The following FLT1 variants were observed in gnomAD, a reference collection of about 807,000 sequenced individuals.
FLT1 encodes vascular endothelial growth factor receptor 1.
In FLT1, 49 loss-of-function variants were observed where a neutral mutation model predicts 156.3. That is an observed-to-expected ratio of 0.31 (90% confidence interval 0.25 to 0.40). FLT1 has a LOEUF of 0.40. FLT1 is among the 10% of genes least tolerant of loss of function. The pLI is 1.00. For missense variants in FLT1, 1,322 were observed against 1,637.2 expected, an observed-to-expected ratio of 0.81 and a Z score of 3.32; for synonymous variants, 594 against 583.8, an observed-to-expected ratio of 1.02 and a Z score of -0.25.
At chr13:28,356,104 G>A (rs552961964) in intron 15 of FLT1, among the ~76,000 whole-genome samples, 1 of 152,314 alleles carries the variant, frequency 6.6e-6, no homozygotes, top group South Asian at 2.1e-4. Context: ...GGGGAGGGGA[G>A]TCTGAGAAAA....
In FLT1 at chr13:28,319,535, C is replaced by CT. The variant is rs1458850110; in HGVS notation, c.3175-2dup. 1 of 1,600,184 alleles carries CT rather than the reference C, an allele frequency of 6.2e-7. No homozygotes were observed. The highest frequency in any genetic ancestry group is 1.1e-5 in the South Asian group (1 of 90,502). On this transcript the variant is annotated splice_acceptor_variant, in intron 23 of 29. Transcript: ENST00000282397. LOFTEE classifies it high-confidence loss of function. ...CCATCCATTTCAGAGGAAGTCGAGT[C>CT]TAGAAGAGGGCAAGGGGGCCTTGAG... is the stretch of plus-strand genomic sequence containing the variant.
At chr13:28,446,024 T>A (rs1034733082) in intron 3 of FLT1, among the ~76,000 whole-genome samples, 1 of 152,222 alleles carries the variant, frequency 6.6e-6, no homozygotes, top group East Asian at 1.9e-4. Flanking sequence ...ATGTAATTAC[T>A]ATATCATGTC....
chr13:28,473,410 TGAG>T (rs887522893), intron 1 of FLT1, among the ~76,000 whole-genome samples: 11 of 151,540 alleles, frequency 7.3e-5, no homozygotes, highest in Non-Finnish European at 1.3e-4. Flanking sequence ...TTTGGGAGGC[TGAG>T]GAGGGTGGAT....
At position 28,467,630 on chromosome 13, in the gene FLT1, T is replaced by G. The variant is rs1230861508; in HGVS notation, c.65-13A>C. 1 of 1,432,560 alleles carries G rather than the reference T, an allele frequency of 7.0e-7. No homozygotes were observed. The highest frequency in any genetic ancestry group is 1.4e-5 in the African/African-American group (1 of 71,794). The allele number at this position is 1,432,560 out of a possible 1,614,324, so 88.7% of individuals were successfully genotyped here. On this transcript the variant is annotated splice_polypyrimidine_tract_variant and intron_variant, in intron 1 of 29. Transcript: ENST00000282397. ...CCTGAACTAGATCCTGAAAAACAAA[T>G]TTTTAAAATGTATTATTTGTAAATT...
intron 15 of FLT1, 146 bp from the exon 16 acceptor site, chr13:28,345,697 A>C (rs1247537524): frequency 2.9e-6 from 2 of 681,156 alleles, no homozygotes; most frequent in Non-Finnish European, 5.3e-6. Context: ...TCTCTGGGAC[A>C]GATCTCTTAC....
At chr13:28,486,908 G>A (rs572953171) in intron 1 of FLT1, among the ~76,000 whole-genome samples, 1 of 152,326 alleles carries the variant, frequency 6.6e-6, no homozygotes, top group South Asian at 2.1e-4. Context: ...CTGGGCAGAG[G>A]TTCTCAAAGT....
At chr13:28,306,597 C>T in intron 29 of FLT1, 81 bp downstream of exon 29, 2 of 984,182 alleles carry the variant, frequency 2.0e-6, no homozygotes. Context: ...CCTCAAACAT[C>T]CCTCATTATA....
At chr13:28,349,975 G>A (rs569147806) in intron 15 of FLT1, among the ~76,000 whole-genome samples, 8 of 152,320 alleles carry the variant, frequency 5.3e-5, no homozygotes, top group African/African-American at 1.7e-4. Flanking sequence ...TGTTTGAAAA[G>A]CGACTGTTAG....
intron 10 of FLT1, among the ~76,000 whole-genome samples, chr13:28,426,428 T>C (rs1052174736): frequency 6.6e-6 from 1 of 152,218 alleles, no homozygotes; most frequent in African/African-American, 2.4e-5. Flanking sequence ...TTAGCAAATA[T>C]ACACTAAGTA....
In FLT1 at chr13:28,427,627, G is replaced by C. The variant is rs532369567; in HGVS notation, c.1276+125C>G. ...TTAAGATGGGAACTTAACGTTAAGT[G>C]TTTTTTCAAATGATTATTTGAAATT... is the stretch of plus-strand genomic sequence containing the variant. On this transcript the variant is annotated intron_variant, in intron 9 of 29. Coordinates refer to ENST00000282397, the MANE Select transcript of FLT1 (RefSeq NM_002019.4). The C allele has an allele frequency of 5.4e-4, 482 of 897,492 alleles. 9 individuals are homozygous for C. The South Asian group carries it at 5.8e-3, about 11-fold the overall frequency. 55.6% of individuals were successfully genotyped at this position (897,492 alleles called of 1,614,324 possible).
intron 11 of FLT1, among the ~76,000 whole-genome samples, chr13:28,398,154 C>T (rs1207975322): frequency 4.6e-5 from 7 of 152,170 alleles, no homozygotes; most frequent in African/African-American, 1.7e-4. Context: ...GTTTCTCATA[C>T]TTAAAATTAT....
intron 12 of FLT1, among the ~76,000 whole-genome samples, chr13:28,390,911 G>T (rs533769449): frequency 6.6e-6 from 1 of 152,300 alleles, no homozygotes; most frequent in South Asian, 2.1e-4. Context: ...CTTTTGCAGT[G>T]AGAAGCAACT....
In FLT1 at chr13:28,339,188, G is replaced by A. The variant is rs1872233912; in HGVS notation, c.2468C>T (p.Ala823Val). 16 of 1,613,900 alleles carry A rather than the reference G, an allele frequency of 9.9e-6. No homozygotes were observed. The highest frequency in any genetic ancestry group is 1.3e-5 in the Non-Finnish European group (15 of 1,179,996). Residue 823 changes from alanine (A) to valine (V), a missense_variant, in exon 17 of 30, where the codon GCC becomes GTC. By Grantham distance (64) the Ala-to-Val change is moderately conservative. Around this residue, in one of 3 missense-constraint regions of FLT1, gnomAD observed 991 missense variants for 1,254.8 expected, o/e 0.79. Coordinates refer to ENST00000282397, the MANE Select transcript of FLT1 (RefSeq NM_002019.4). ...CTTACCCAGTTTAAGTCTCTCCCGG[G>A]CAAACTCCCACTTGCTGGCATCATA... Reference protein sequence around the residue: ...LPYDASKWEFARERLKLGKSL... With the variant: ...LPYDASKWEFVRERLKLGKSL...
intron 17 of FLT1, 83 bp from the exon 18 acceptor site, chr13:28,334,212 C>T: frequency 1.1e-6 from 1 of 900,378 alleles, no homozygotes; most frequent in East Asian, 2.4e-5. Flanking sequence ...ATGCCTTTTC[C>T]TATGTGTGCA....
intron 15 of FLT1, among the ~76,000 whole-genome samples, chr13:28,349,035 G>A (rs1438197848): frequency 1.3e-5 from 2 of 152,210 alleles, no homozygotes; most frequent in African/African-American, 4.8e-5. Context: ...AGTTAGAAGA[G>A]AAAGGGCATG....
chr13:28,404,327 G>T (rs535298935), intron 11 of FLT1, among the ~76,000 whole-genome samples: 2 of 152,200 alleles, frequency 1.3e-5, no homozygotes, highest in South Asian at 4.1e-4. Context: ...TGGCTATAAG[G>T]GCATTAGGTT....
chr13:28,333,885 G>C lies in FLT1; in HGVS notation c.2593+140C>G, dbSNP rs563279334. 21 of 737,948 alleles carry C rather than the reference G, an allele frequency of 2.8e-5. No individual in the cohort carries two copies. In the East Asian group the frequency reaches 5.4e-4, roughly 19 times the overall value. 45.7% of individuals were successfully genotyped at this position (737,948 alleles called of 1,614,324 possible). On this transcript the variant is annotated intron_variant, in intron 18 of 29. Coordinates refer to ENST00000282397, the MANE Select transcript of FLT1 (RefSeq NM_002019.4). ...TAATCTAAAACTCGTGAGCAAAGAG[G>C]CCTCTAGCAGTAGAAGAAAATTATG...
At chr13:28,487,356 T>C (rs1342368956) in intron 1 of FLT1, among the ~76,000 whole-genome samples, 3 of 152,248 alleles carry the variant, frequency 2.0e-5, no homozygotes, top group African/African-American at 7.2e-5. Flanking sequence ...TATTTGTGTA[T>C]AATAACAGCC....
chr13:28,386,606 T>G (rs1874380278), intron 13 of FLT1: 1 of 1,055,754 alleles, frequency 9.5e-7, no homozygotes, highest in Non-Finnish European at 1.1e-6. Flanking sequence ...CGTTACGATA[T>G]TTCTGTTTTT....
Sources: gnomAD v4.1 joint callset for allele counts (sites outside exome capture counted in the v4.1 genomes callset) on GRCh38, gnomAD v4.1.1 for gene constraint, gnomAD v4.1.1 regional missense constraint, MANE v1.5 for transcripts, NCBI Gene and HGNC (gene_info 2026-07-23, HGNC 2026-07-21) for gene names.